The following HRH1 variants were observed in gnomAD, a reference collection of about 807,000 sequenced individuals.
HRH1 encodes histamine H1 receptor.
In HRH1, 6 loss-of-function variants were observed where a neutral mutation model predicts 10.3. The observed-to-expected ratio is 0.58, with a 90% CI of 0.32 to 1.15. HRH1 has a LOEUF of 1.15. Among genes scored for constraint, HRH1 ranks in the 50% most tolerant of loss-of-function variants. The pLI is 0.05. For synonymous variants in HRH1, 242 were observed against 236.7 expected, an observed-to-expected ratio of 1.02 and a Z score of -0.21; for missense variants, 514 against 615.3, an observed-to-expected ratio of 0.84 and a Z score of 1.74.
intron 1 of HRH1, among the ~76,000 whole-genome samples, chr3:11,165,594 T>A (rs1372188188): frequency 6.6e-6 from 1 of 152,150 alleles, no homozygotes; most frequent in South Asian, 2.1e-4. Context: ...ACATTCAAGG[T>A]TTGGAACTGA....
intron 1 of HRH1, among the ~76,000 whole-genome samples, chr3:11,180,577 C>T (rs964353932): frequency 2.0e-5 from 3 of 152,074 alleles, no homozygotes; most frequent in Non-Finnish European, 4.4e-5. Context: ...AGTACCGGTC[C>T]GCAGCCCAGG....
At chr3:11,220,780 C>T (rs762943353) in intron 1 of HRH1, among the ~76,000 whole-genome samples, 1 of 152,148 alleles carries the variant, frequency 6.6e-6, no homozygotes, top group African/African-American at 2.4e-5. Context: ...ACTTTTTCCC[C>T]CTGCATTTCT....
chr3:11,148,375 A>G (rs550876657), intron 1 of HRH1, among the ~76,000 whole-genome samples: 1 of 152,270 alleles, frequency 6.6e-6, no homozygotes, highest in Admixed American at 6.5e-5. Context: ...GATCAGGTTT[A>G]TCTGCATGTA....
intron 1 of HRH1, among the ~76,000 whole-genome samples, chr3:11,202,434 A>ATAAATAAATAAATAATTAAT (rs1314713595): frequency 1.3e-5 from 2 of 148,338 alleles, no homozygotes; most frequent in African/African-American, 4.9e-5. Context: ...AAATAAATAA[A>ATAAATAAATAAATAATTAAT]TAATTAATTA....
At chr3:11,217,525 T>C (rs930856727) in intron 1 of HRH1, among the ~76,000 whole-genome samples, 4 of 151,666 alleles carry the variant, frequency 2.6e-5, no homozygotes, top group African/African-American at 9.7e-5. Flanking sequence ...CGAGACTTGG[T>C]CTCAAAAAAA....
At chr3:11,210,981 T>C (rs998985217) in intron 1 of HRH1, among the ~76,000 whole-genome samples, 3 of 152,158 alleles carry the variant, frequency 2.0e-5, no homozygotes, top group Admixed American at 2.0e-4. Context: ...GTGCCTGTTA[T>C]GTGCAAGGCA....
chr3:11,148,667 C>T (rs573037719), intron 1 of HRH1, among the ~76,000 whole-genome samples: 2 of 152,252 alleles, frequency 1.3e-5, no homozygotes, highest in East Asian at 3.9e-4. Flanking sequence ...ACAGAGATTT[C>T]CCAGAAATCA....
intron 1 of HRH1, chr3:11,234,196 G>A: frequency 9.5e-7 from 1 of 1,055,178 alleles, no homozygotes; most frequent in South Asian, 1.6e-5. Flanking sequence ...TGACAACAAG[G>A]TCTTTTGCAA....
intron 1 of HRH1, chr3:11,234,264 C>A: frequency 6.4e-7 from 1 of 1,554,518 alleles, no homozygotes; most frequent in Non-Finnish European, 8.8e-7. Flanking sequence ...TAACTTGACC[C>A]CACCTCTTCT....
At chr3:11,163,903 C>T (rs1936977533) in intron 1 of HRH1, among the ~76,000 whole-genome samples, 1 of 152,138 alleles carries the variant, frequency 6.6e-6, no homozygotes, top group Admixed American at 6.5e-5. Flanking sequence ...TACAACACCC[C>T]CAGACTCACA....
At chr3:11,237,926 T>C (rs61233383) in intron 1 of HRH1, among the ~76,000 whole-genome samples, 3,147 of 152,210 alleles carry the variant, frequency 0.021, 105 homozygotes, top group African/African-American at 0.069. Flanking sequence ...TCTGCCCACC[T>C]CAGCCTCCCA....
At chr3:11,168,424 C>T (rs945975139) in intron 1 of HRH1, among the ~76,000 whole-genome samples, 3 of 152,232 alleles carry the variant, frequency 2.0e-5, no homozygotes, top group Admixed American at 6.5e-5. Flanking sequence ...GAGGCCAGTG[C>T]TGTCCAAGCC....
At chr3:11,192,528 T>C (rs1163533884) in intron 1 of HRH1, among the ~76,000 whole-genome samples, 1 of 152,202 alleles carries the variant, frequency 6.6e-6, no homozygotes, top group Non-Finnish European at 1.5e-5. Flanking sequence ...AGGGCTGTTG[T>C]GGACATTCTA....
intron 1 of HRH1, among the ~76,000 whole-genome samples, chr3:11,225,691 C>T (rs1938859546): frequency 6.6e-6 from 1 of 152,228 alleles, no homozygotes; most frequent in Non-Finnish European, 1.5e-5. Context: ...TATTTATTTA[C>T]TTACTTACTT....
chr3:11,194,417 AC>A (rs985683125), intron 1 of HRH1, among the ~76,000 whole-genome samples: 6 of 152,098 alleles, frequency 3.9e-5, no homozygotes, highest in Non-Finnish European at 7.4e-5. Flanking sequence ...TCAGGCTCCC[AC>A]CCCGTCTCAG....
chr3:11,257,252 T>TAA (rs756942955), intron 1 of HRH1, among the ~76,000 whole-genome samples: 62 of 80,160 alleles, frequency 7.7e-4, no homozygotes, highest in African/African-American at 2.0e-3. Flanking sequence ...GACTCTGTCC[T>TAA]AAAAAAAAAA....
chr3:11,258,455 A>G (rs1286921861), intron 1 of HRH1, among the ~76,000 whole-genome samples: 1 of 152,106 alleles, frequency 6.6e-6, no homozygotes, highest in Non-Finnish European at 1.5e-5. Context: ...TGTCAGGGAG[A>G]AAGAGGCAAG....
At chr3:11,194,170 G>GT (rs1487033723) in intron 1 of HRH1, among the ~76,000 whole-genome samples, 1 of 152,212 alleles carries the variant, frequency 6.6e-6, no homozygotes, top group Non-Finnish European at 1.5e-5. Flanking sequence ...AAGGACACCT[G>GT]TTTTTTCTAG....
chr3:11,181,695 G>C (rs941678237), intron 1 of HRH1, among the ~76,000 whole-genome samples: 30 of 146,186 alleles, frequency 2.1e-4, no homozygotes, highest in Non-Finnish European at 3.7e-4. Context: ...GCAGTGGCGC[G>C]ATCTTAGCTC....
Sources: gnomAD v4.1 joint callset for allele counts (sites outside exome capture counted in the v4.1 genomes callset) on GRCh38, gnomAD v4.1.1 for gene constraint, MANE v1.5 for transcripts, NCBI Gene and HGNC (gene_info 2026-07-23, HGNC 2026-07-21) for gene names.